PRKG1: variants seen among roughly 807,000 people sequenced by gnomAD.
The protein encoded by PRKG1 is protein kinase cGMP-dependent 1, also known as cGMP-dependent protein kinase 1.
In PRKG1, 35 loss-of-function variants were observed where a neutral mutation model predicts 88.1. That is an observed-to-expected ratio of 0.40 (90% confidence interval 0.30 to 0.53). The LOEUF is 0.53. Ranked by LOEUF, PRKG1 falls within the 20% of genes least tolerant of loss-of-function variation. The pLI is 0.59. For synonymous variants in PRKG1, 303 were observed against 292.5 expected (o/e 1.04, Z -0.37); for missense variants, 540 against 839.8 (o/e 0.64, Z 4.41).
intron 1 of PRKG1, among the ~76,000 whole-genome samples, chr10:51,109,390 A>G (rs936841701): frequency 6.6e-6 from 1 of 152,080 alleles, no homozygotes. Context: ...AGAATAATGG[A>G]ACAAAATAGA....
At chr10:51,999,554 G>A (rs978383288) in intron 5 of PRKG1, among the ~76,000 whole-genome samples, 1 of 152,008 alleles carries the variant, frequency 6.6e-6, no homozygotes, top group Non-Finnish European at 1.5e-5. Flanking sequence ...TCTTTTGGAG[G>A]AATTAATGAA....
intron 5 of PRKG1, among the ~76,000 whole-genome samples, chr10:51,921,554 T>C (rs58382987): frequency 0.019 from 2,879 of 152,180 alleles, 79 homozygotes; most frequent in African/African-American, 0.064. Context: ...CTCTTTGTAG[T>C]TTTTTGTTGC....
chr10:51,193,632 A>G (rs893602574), intron 2 of PRKG1, among the ~76,000 whole-genome samples: 1 of 152,194 alleles, frequency 6.6e-6, no homozygotes, highest in Non-Finnish European at 1.5e-5. Flanking sequence ...GGAGTAAATT[A>G]GTTGTTTTAC....
intron 5 of PRKG1, among the ~76,000 whole-genome samples, chr10:51,942,057 C>A (rs1179342537): frequency 6.6e-6 from 1 of 152,008 alleles, no homozygotes; most frequent in African/African-American, 2.4e-5. Flanking sequence ...AACTAGTTTA[C>A]AGTCCCACCA....
At chr10:51,415,254 T>C (rs1838205282) in intron 2 of PRKG1, among the ~76,000 whole-genome samples, 1 of 152,204 alleles carries the variant, frequency 6.6e-6, no homozygotes, top group Admixed American at 6.5e-5. Flanking sequence ...AAATTGTATT[T>C]CATATAATCT....
chr10:51,974,244 T>G (rs1843775951), intron 5 of PRKG1, among the ~76,000 whole-genome samples: 1 of 152,148 alleles, frequency 6.6e-6, no homozygotes, highest in East Asian at 1.9e-4. Flanking sequence ...ATTAGGGTTC[T>G]GTTAGCAGAA....
At chr10:52,125,977 G>C (rs1049243954) in intron 7 of PRKG1, 1 of 152,156 alleles carries the variant, frequency 6.6e-6, no homozygotes, top group Non-Finnish European at 1.5e-5. Context: ...GGACACACTG[G>C]AGAAAGGTAA....
intron 3 of PRKG1, among the ~76,000 whole-genome samples, chr10:51,565,580 A>G (rs1043720715): frequency 6.6e-6 from 1 of 152,130 alleles, no homozygotes; most frequent in Non-Finnish European, 1.5e-5. Context: ...GATGAGTGCA[A>G]ATTAGCTGCA....
At chr10:51,924,988 T>C (rs1842542636) in intron 5 of PRKG1, among the ~76,000 whole-genome samples, 1 of 151,896 alleles carries the variant, frequency 6.6e-6, no homozygotes, top group Admixed American at 6.6e-5. Context: ...AATATATTAT[T>C]CATAGTTAGT....
At chr10:51,931,048 C>T (rs767903300) in intron 5 of PRKG1, among the ~76,000 whole-genome samples, 1 of 152,130 alleles carries the variant, frequency 6.6e-6, no homozygotes, top group Non-Finnish European at 1.5e-5. Context: ...TGTTTCTCTA[C>T]TCCTCTGTAA....
At chr10:51,920,105 A>G (rs1049204156) in intron 5 of PRKG1, among the ~76,000 whole-genome samples, 57 of 152,292 alleles carry the variant, frequency 3.7e-4, no homozygotes, top group African/African-American at 1.3e-3. Context: ...TCATGAGGGC[A>G]TGTAGAGTAG....
chr10:51,521,806 G>A (rs1841742911), intron 3 of PRKG1, among the ~76,000 whole-genome samples: 2 of 152,160 alleles, frequency 1.3e-5, no homozygotes, highest in African/African-American at 2.4e-5. Flanking sequence ...AGTCATTTCA[G>A]TACTGTAAAT....
At chr10:52,260,067 G>T (rs1232218116) in intron 10 of PRKG1, among the ~76,000 whole-genome samples, 1 of 151,480 alleles carries the variant, frequency 6.6e-6, no homozygotes, top group African/African-American at 2.4e-5. Context: ...TCAATGGTTG[G>T]CAGGTTCTCC....
At chr10:51,858,964 C>T (rs905194772) in intron 4 of PRKG1, among the ~76,000 whole-genome samples, 1 of 152,082 alleles carries the variant, frequency 6.6e-6, no homozygotes, top group Non-Finnish European at 1.5e-5. Context: ...TCCCAAGGAG[C>T]TGATATCAAT....
At chr10:51,239,969 A>C (rs577355522) in intron 2 of PRKG1, among the ~76,000 whole-genome samples, 1 of 152,230 alleles carries the variant, frequency 6.6e-6, no homozygotes, top group Non-Finnish European at 1.5e-5. Flanking sequence ...AATACTGGCT[A>C]TCAGTAATTG....
At chr10:51,943,967 A>G (rs1842967553) in intron 5 of PRKG1, among the ~76,000 whole-genome samples, 1 of 152,060 alleles carries the variant, frequency 6.6e-6, no homozygotes, top group East Asian at 1.9e-4. Flanking sequence ...TGCTGGCCTC[A>G]TCAAATGAGT....
intron 3 of PRKG1, among the ~76,000 whole-genome samples, chr10:51,504,584 T>C (rs1841138712): frequency 6.6e-6 from 1 of 152,212 alleles, no homozygotes; most frequent in South Asian, 2.1e-4. Flanking sequence ...GTCATGATAT[T>C]GATTCTTCCT....
At chr10:51,539,716 C>T (rs898341250) in intron 3 of PRKG1, among the ~76,000 whole-genome samples, 6 of 152,038 alleles carry the variant, frequency 3.9e-5, no homozygotes, top group Non-Finnish European at 7.4e-5. Context: ...AAATCTTCCA[C>T]CAGAGGAGAT....
chr10:51,204,762 G>T (rs545919364), intron 2 of PRKG1, among the ~76,000 whole-genome samples: 1 of 152,228 alleles, frequency 6.6e-6, no homozygotes, highest in East Asian at 1.9e-4. Flanking sequence ...GTCATCCATT[G>T]TCCTTGAGGC....
Sources: gnomAD v4.1 joint callset for allele counts (sites outside exome capture counted in the v4.1 genomes callset) on GRCh38, gnomAD v4.1.1 for gene constraint, MANE v1.5 for transcripts, NCBI Gene and HGNC (gene_info 2026-07-23, HGNC 2026-07-21) for gene names.